WDR41: variants seen among roughly 807,000 people sequenced by gnomAD.
The protein encoded by WDR41 is WD repeat-containing protein 41.
In WDR41, 63 loss-of-function variants were observed where a neutral mutation model predicts 69.3. The observed-to-expected ratio is 0.91, with a 90% CI of 0.74 to 1.12. The LOEUF is 1.12. Ranked by LOEUF, WDR41 falls within the 50% of genes most tolerant of loss-of-function variation. WDR41 has a pLI of 0.00. For missense variants in WDR41, 543 were observed against 534.5 expected, an observed-to-expected ratio of 1.02 and a Z score of -0.16; for synonymous variants, 185 against 192.1, an observed-to-expected ratio of 0.96 and a Z score of 0.31.
At chr5:77,549,716 C>T (rs528911959) in intron 1 of WDR41, among the ~76,000 whole-genome samples, 12 of 152,110 alleles carry the variant, frequency 7.9e-5, no homozygotes, top group Admixed American at 2.0e-4. Context: ...ATAAATTCAA[C>T]ACTATTCCTA....
intron 1 of WDR41, among the ~76,000 whole-genome samples, chr5:77,532,985 G>A (rs1312338260): frequency 6.6e-6 from 1 of 152,044 alleles, no homozygotes; most frequent in Non-Finnish European, 1.5e-5. Flanking sequence ...TTTATGTTAT[G>A]TACTTCCTTG....
At position 77,473,543 on chromosome 5, in the gene WDR41, C is replaced by A. The variant is rs1454817725; in HGVS notation, c.168-8734G>T. ...TGGGAGAAAATTTTTGTAATCTACT[C>A]ATCTGACAAAGGGCTAATATCCAGA... is the stretch of plus-strand genomic sequence containing the variant. On this transcript the variant is annotated intron_variant, in intron 2 of 12. Coordinates refer to ENST00000296679, the MANE Select transcript of WDR41 (RefSeq NM_018268.4). Among the ~76,000 whole-genome samples the A allele has an allele frequency of 2.0e-5, 3 of 152,256 alleles. No individual in the cohort carries two copies. The South Asian group carries it at 6.2e-4, about 32-fold the overall frequency.
At chr5:77,611,569 C>T (rs866217403) in intron 1 of WDR41, among the ~76,000 whole-genome samples, 15 of 152,200 alleles carry the variant, frequency 9.9e-5, no homozygotes, top group South Asian at 4.1e-4. Context: ...GGGTACATAA[C>T]GAAATGAAGG....
intron 1 of WDR41, among the ~76,000 whole-genome samples, chr5:77,511,864 G>T (rs989106565): frequency 6.6e-6 from 1 of 151,124 alleles, no homozygotes; most frequent in Non-Finnish European, 1.5e-5. Context: ...GATTCTTACC[G>T]AGAGCCAACC....
At chr5:77,463,449 T>C (rs975325883) in intron 3 of WDR41, among the ~76,000 whole-genome samples, 13 of 152,134 alleles carry the variant, frequency 8.5e-5, no homozygotes, top group Non-Finnish European at 1.2e-4. Flanking sequence ...ATTTTTAGTA[T>C]ATTTTTATAG....
chr5:77,558,003 A>AAG (rs1315511059), intron 1 of WDR41, among the ~76,000 whole-genome samples: 39 of 152,000 alleles, frequency 2.6e-4, no homozygotes, highest in African/African-American at 9.4e-4. Flanking sequence ...GTGAGTAAGA[A>AAG]CAAGCAAATA....
intron 1 of WDR41, among the ~76,000 whole-genome samples, chr5:77,568,437 A>G (rs1743676110): frequency 6.6e-6 from 1 of 152,272 alleles, no homozygotes; most frequent in Middle Eastern, 3.4e-3. Flanking sequence ...ATTCTTCCTG[A>G]GATTATGAAC....
chr5:77,502,459 C>G (rs928449857), intron 1 of WDR41, among the ~76,000 whole-genome samples: 4 of 152,050 alleles, frequency 2.6e-5, no homozygotes, highest in Non-Finnish European at 5.9e-5. Context: ...AGGATATTAT[C>G]CAGGAGAACA....
At chr5:77,453,976 C>A in intron 5 of WDR41, 48 bp from the exon 6 acceptor site, 1 of 1,435,148 alleles carries the variant, frequency 7.0e-7, no homozygotes, top group South Asian at 1.2e-5. Context: ...CTTAAGCAGT[C>A]ATTGTTCAGT....
chr5:77,606,256 G>A (rs940134080), intron 1 of WDR41, among the ~76,000 whole-genome samples: 1 of 152,112 alleles, frequency 6.6e-6, no homozygotes, highest in South Asian at 2.1e-4. Context: ...TTCATTTAAC[G>A]CATGGAGCCA....
intron 1 of WDR41, among the ~76,000 whole-genome samples, chr5:77,599,557 A>G (rs1014929068): frequency 6.6e-6 from 1 of 152,200 alleles, no homozygotes; most frequent in African/African-American, 2.4e-5. Context: ...CTAGCAAGAT[A>G]TCCTTGACTG....
At chr5:77,608,854 T>C (rs1488221490) in intron 1 of WDR41, among the ~76,000 whole-genome samples, 3 of 152,174 alleles carry the variant, frequency 2.0e-5, no homozygotes, top group Non-Finnish European at 4.4e-5. Flanking sequence ...GGCGAGGCAT[T>C]GCCTCACTCG....
chr5:77,569,784 A>G (rs1271158356), intron 1 of WDR41, among the ~76,000 whole-genome samples: 2 of 152,208 alleles, frequency 1.3e-5, no homozygotes, highest in African/African-American at 4.8e-5. Context: ...CTCTTTGTTG[A>G]CCAACTTTCC....
Position 77,438,252 on chromosome 5 carries a change from C to G in WDR41, c.992G>C (p.Arg331Thr). 1 of 1,614,002 alleles carries G rather than the reference C, an allele frequency of 6.2e-7. No individual in the cohort carries two copies. Among genetic ancestry groups the G allele is most frequent in the South Asian group, 1.1e-5 (1 of 91,064 alleles). The change falls in exon 10 of 13, where the codon AGA (arginine) becomes ACA (threonine). Residue 331 changes from arginine (R) to threonine (T), a missense_variant. Physicochemically the swap from Arg to Thr is moderately conservative, Grantham distance 71 (BLOSUM62 -1). Coordinates refer to ENST00000296679, the MANE Select transcript of WDR41 (RefSeq NM_018268.4). ...TGGGAACTTGTACCTGTTTGGAAGT[C>G]TGGCAACGTGCAGGACATTGGAGTC... ...AHDSNVLHVA[R>T]LPNRQLISCS...
chr5:77,560,646 C>T (rs570789086), intron 1 of WDR41, among the ~76,000 whole-genome samples: 7 of 152,096 alleles, frequency 4.6e-5, no homozygotes, highest in South Asian at 2.1e-4. Flanking sequence ...TCCTTTGCGC[C>T]GATTTCTTTT....
intron 1 of WDR41, among the ~76,000 whole-genome samples, chr5:77,600,929 A>ATGTGTGTGTGTGTGTGTGTG: frequency 6.9e-6 from 1 of 144,198 alleles, no homozygotes; most frequent in Non-Finnish European, 1.5e-5. Context: ...CTCTGTGTGT[A>ATGTGTGTGTGTGTGTGTGTG]TGTGTGTGTG....
At chr5:77,561,509 T>C (rs1743523784) in intron 1 of WDR41, among the ~76,000 whole-genome samples, 1 of 152,148 alleles carries the variant, frequency 6.6e-6, no homozygotes, top group African/African-American at 2.4e-5. Flanking sequence ...ATTTAAATAA[T>C]GTTTCTATTA....
upstream of WDR41, among the ~76,000 whole-genome samples, chr5:77,493,440 T>G (rs33198): frequency 0.59 from 89,787 of 151,948 alleles, 27,792 homozygotes; most frequent in African/African-American, 0.77. Flanking sequence ...GGACAAGGCA[T>G]AATGTCCCAG....
intron 1 of WDR41, among the ~76,000 whole-genome samples, chr5:77,501,606 T>C (rs1307086708): frequency 6.6e-6 from 1 of 152,166 alleles, no homozygotes; most frequent in Non-Finnish European, 1.5e-5. Flanking sequence ...GTAGCCTAAC[T>C]GGGAGACACC....
Sources: gnomAD v4.1 joint callset for allele counts (sites outside exome capture counted in the v4.1 genomes callset) on GRCh38, gnomAD v4.1.1 for gene constraint, MANE v1.5 for transcripts, NCBI Gene and HGNC (gene_info 2026-07-23, HGNC 2026-07-21) for gene names.